Variants in RNF130 observed in about 807,000 individuals in gnomAD.
RNF130 encodes E3 ubiquitin-protein ligase RNF130.
In RNF130, 21 loss-of-function variants were observed where a neutral mutation model predicts 44.6. That is an observed-to-expected ratio of 0.47 (90% CI 0.33 to 0.68). The LOEUF is 0.68. RNF130 is among the 30% of genes least tolerant of loss of function. The pLI, the probability that RNF130 is intolerant of heterozygous loss-of-function variation, is 0.02. For missense variants in RNF130, 479 were observed against 560.6 expected (o/e 0.85, Z 1.47); for synonymous variants, 214 against 210.4 (o/e 1.02, Z -0.15).
In RNF130 at chr5:179,955,520, G is replaced by A. The variant is rs1426641884; in HGVS notation, c.*134C>T. ...TTATTTCTTTTAATACAAAGCTTTGGCATTAGCAATTTTATGAAAAAATAA... is the reference window on the plus strand; with the variant it reads ...TTATTTCTTTTAATACAAAGCTTTGACATTAGCAATTTTATGAAAAAATAA... On this transcript the variant is annotated 3_prime_UTR_variant, in exon 9 of 9. Coordinates refer to ENST00000521389, the MANE Select transcript of RNF130 (RefSeq NM_018434.6). 2 of 668,902 alleles carry A rather than the reference G, an allele frequency of 3.0e-6. No homozygotes were observed. The highest frequency in any genetic ancestry group is 5.0e-6 in the Non-Finnish European group (2 of 396,944). The allele number at this position is 668,902 out of a possible 1,614,324, so 41.4% of individuals were successfully genotyped here. A position where few individuals can be genotyped will look rare whatever the true frequency, so the allele number is the denominator to read the frequency against.
At position 180,044,900 on chromosome 5, in the gene RNF130, T is replaced by A. The variant is rs143070430; in HGVS notation, c.248-4253A>T. Among the ~76,000 whole-genome samples, 3 of 151,418 alleles carry A rather than the reference T, an allele frequency of 2.0e-5. No homozygotes were observed. The East Asian group carries it at 5.8e-4, about 29-fold the overall frequency. On this transcript the variant is annotated intron_variant, in intron 1 of 8. Transcript: ENST00000521389. ...ATTGGCACCAGCACAGAAGCTGACG[T>A]TAGAGGGTGCCAACACGAAGTGCAC...
chr5:180,019,812 T>C (rs1433179589), intron 2 of RNF130, among the ~76,000 whole-genome samples: 1 of 152,242 alleles, frequency 6.6e-6, no homozygotes, highest in East Asian at 1.9e-4. Flanking sequence ...GTATCCCTTC[T>C]GTCAGAAAAA....
chr5:180,035,291 T>C (rs1425800187), intron 2 of RNF130, among the ~76,000 whole-genome samples: 1 of 152,254 alleles, frequency 6.6e-6, no homozygotes, highest in Admixed American at 6.5e-5. Context: ...ACCCGTGTGT[T>C]ATTTAGATGT....
intron 2 of RNF130, among the ~76,000 whole-genome samples, chr5:180,017,996 T>A (rs1005987231): frequency 3.3e-5 from 5 of 152,138 alleles, no homozygotes; most frequent in Non-Finnish European, 7.4e-5. Flanking sequence ...ACTGGGTAAT[T>A]GAGAAAGAAG....
At chr5:179,974,397 G>A (rs907128985) in intron 5 of RNF130, among the ~76,000 whole-genome samples, 2 of 152,220 alleles carry the variant, frequency 1.3e-5, no homozygotes, top group Admixed American at 6.5e-5. Context: ...AAGACCTGCT[G>A]GCTAACATCC....
At chr5:180,007,995 T>TG (rs1444923063) in intron 3 of RNF130, among the ~76,000 whole-genome samples, 5 of 150,664 alleles carry the variant, frequency 3.3e-5, no homozygotes, top group African/African-American at 1.2e-4. Flanking sequence ...TTAGTTTTTT[T>TG]TTTTTTTTTT....
exon 8 of RNF130, chr5:179,920,232 C>A: frequency 1.6e-6 from 1 of 639,188 alleles, no homozygotes; most frequent in Non-Finnish European, 2.9e-6. Context: ...AAAACGGATG[C>A]TGACAGGAGA....
At chr5:179,929,010 C>G (rs553942841) in intron 7 of RNF130, among the ~76,000 whole-genome samples, 2 of 152,206 alleles carry the variant, frequency 1.3e-5, no homozygotes, top group Non-Finnish European at 2.9e-5. Context: ...ATGGTTAGGG[C>G]TTTTTCAGTC....
At chr5:179,945,013 C>T (rs1306821972) in intron 7 of RNF130, among the ~76,000 whole-genome samples, 4 of 152,296 alleles carry the variant, frequency 2.6e-5, no homozygotes, top group East Asian at 1.9e-4. Flanking sequence ...GGGTGGCTCA[C>T]GCCTATAATC....
At chr5:180,029,679 A>T (rs1764078130) in intron 2 of RNF130, among the ~76,000 whole-genome samples, 1 of 152,174 alleles carries the variant, frequency 6.6e-6, no homozygotes, top group African/African-American at 2.4e-5. Flanking sequence ...AGCTGGGACT[A>T]CAGGTGAGTG....
At chr5:179,959,721 A>G (rs1234134135) in intron 8 of RNF130, among the ~76,000 whole-genome samples, 3 of 152,350 alleles carry the variant, frequency 2.0e-5, no homozygotes, top group South Asian at 2.1e-4. Flanking sequence ...GAGTTTATAT[A>G]TATAAATTTC....
At chr5:179,952,799 A>G (rs560705118), downstream of RNF130, among the ~76,000 whole-genome samples, 333 of 152,348 alleles carry the variant, frequency 2.2e-3, no homozygotes, top group Non-Finnish European at 4.0e-3. Flanking sequence ...CTATTTCATG[A>G]TAAAAACGTT....
At chr5:179,948,392 TG>T (rs1387278904) in intron 7 of RNF130, among the ~76,000 whole-genome samples, 2 of 152,126 alleles carry the variant, frequency 1.3e-5, no homozygotes, top group African/African-American at 4.8e-5. Context: ...GCTCTTGGCC[TG>T]GTGCATTGGC....
chr5:179,984,577 T>C (rs1762912646), intron 3 of RNF130, among the ~76,000 whole-genome samples: 1 of 152,180 alleles, frequency 6.6e-6, no homozygotes. Flanking sequence ...TAAATGAAAC[T>C]TATATTCCTG....
intron 7 of RNF130, among the ~76,000 whole-genome samples, chr5:179,923,141 T>C (rs2113671084): frequency 6.6e-6 from 1 of 152,328 alleles, no homozygotes; most frequent in African/African-American, 2.4e-5. Flanking sequence ...GATTTTCTCG[T>C]ACATGTTCAT....
intron 3 of RNF130, among the ~76,000 whole-genome samples, chr5:179,993,607 T>C (rs1425593141): frequency 2.6e-5 from 4 of 152,256 alleles, no homozygotes; most frequent in Non-Finnish European, 4.4e-5. Context: ...TTAAGTTCTT[T>C]GTAGATTCTG....
At chr5:179,960,977 T>C (rs1475677368) in intron 8 of RNF130, among the ~76,000 whole-genome samples, 1 of 152,188 alleles carries the variant, frequency 6.6e-6, no homozygotes, top group African/African-American at 2.4e-5. Flanking sequence ...AACTTTTCTC[T>C]GGAATAAAAT....
At chr5:180,029,576 A>G (rs561437481) in intron 2 of RNF130, among the ~76,000 whole-genome samples, 16 of 152,388 alleles carry the variant, frequency 1.0e-4, no homozygotes, top group Admixed American at 8.5e-4. Context: ...ACTAATCTTA[A>G]AAATAAAAGC....
chr5:180,013,333 T>A, intron 2 of RNF130, 22 bp from the exon 3 acceptor site: 2 of 1,577,302 alleles, frequency 1.3e-6, no homozygotes, highest in Non-Finnish European at 1.7e-6. Flanking sequence ...AATAAATATA[T>A]AACTCAAGTG....
Sources: allele counts gnomAD v4.1 joint callset (sites outside exome capture counted in the v4.1 genomes callset), GRCh38; gene constraint gnomAD v4.1.1; transcripts MANE v1.5; gene names NCBI Gene and HGNC (gene_info 2026-07-23, HGNC 2026-07-21).